The following PLA2G4A variants were observed in gnomAD, a reference collection of about 807,000 sequenced individuals.
PLA2G4A encodes the protein cytosolic phospholipase A2.
A neutral mutation model predicts 81.9 loss-of-function variants in PLA2G4A; 40 were observed. That is an observed-to-expected ratio of 0.49 (90% CI 0.38 to 0.64). The LOEUF is 0.64. Ranked by LOEUF, PLA2G4A falls within the 30% of genes least tolerant of loss-of-function variation. The pLI, the probability that PLA2G4A is intolerant of heterozygous loss-of-function variation, is 0.00. For missense variants in PLA2G4A, 715 were observed against 905.1 expected (o/e 0.79, Z 2.69); for synonymous variants, 302 against 296.9 (o/e 1.02, Z -0.18).
intron 3 of PLA2G4A, among the ~76,000 whole-genome samples, chr1:186,881,507 A>G (rs916270824): frequency 1.3e-5 from 2 of 152,170 alleles, no homozygotes; most frequent in East Asian, 1.9e-4. Context: ...TTCAGCATCT[A>G]TAGCCATAAC....
intron 2 of PLA2G4A, among the ~76,000 whole-genome samples, chr1:186,855,492 C>G (rs1018188324): frequency 6.6e-6 from 1 of 151,982 alleles, no homozygotes; most frequent in African/African-American, 2.4e-5. Flanking sequence ...ATTCCACCCA[C>G]GAAACCATCA....
At chr1:186,831,962 TA>T (rs1393825566) in intron 1 of PLA2G4A, among the ~76,000 whole-genome samples, 1 of 149,662 alleles carries the variant, frequency 6.7e-6, no homozygotes, top group Non-Finnish European at 1.5e-5. Context: ...ATGTTTTTTT[TA>T]ATAATCATGC....
rs150580794 is a variant in PLA2G4A at position 186,902,802 on chromosome 1, C to A, written c.379-4163C>A. Among the ~76,000 whole-genome samples the A allele has an allele frequency of 6.1e-3, 923 of 151,380 alleles. 15 individuals are homozygous for A. Among genetic ancestry groups the A allele is most frequent in the African/African-American group, 0.022 (895 of 41,224 alleles). ...TCCTATAAAACTGCCCCACCCCTATCTCCCCTATCTCCCCTTGCTGACTCC... is the reference window on the plus strand; with the variant it reads ...TCCTATAAAACTGCCCCACCCCTATATCCCCTATCTCCCCTTGCTGACTCC... On this transcript the variant is annotated intron_variant, in intron 5 of 17. Coordinates refer to ENST00000367466, the MANE Select transcript of PLA2G4A (RefSeq NM_024420.3).
chr1:186,894,069 A>T (rs1246863139), intron 4 of PLA2G4A, 29 bp from the exon 5 acceptor site: 1 of 878,952 alleles, frequency 1.1e-6, no homozygotes, highest in East Asian at 2.4e-5. Flanking sequence ...GGGAAATTTT[A>T]TTTTTGTGCT....
intron 7 of PLA2G4A, among the ~76,000 whole-genome samples, chr1:186,925,292 T>C (rs1340374841): frequency 6.6e-6 from 1 of 152,220 alleles, no homozygotes; most frequent in East Asian, 1.9e-4. Flanking sequence ...CTTACATATG[T>C]TTGTGTATTG....
Position 186,988,622 on chromosome 1 carries a change from A to T in PLA2G4A, c.*114A>T. The T allele has an allele frequency of 1.1e-6, 1 of 931,098 alleles. No individual in the cohort carries two copies. Among genetic ancestry groups the T allele is most frequent in the Admixed American group, 1.7e-5 (1 of 57,216 alleles). 57.7% of individuals were successfully genotyped at this position (931,098 alleles called of 1,614,324 possible). On this transcript the variant is annotated 3_prime_UTR_variant, in exon 18 of 18. Transcript: ENST00000367466. ...CGTACTGATCATGAGAGACTGGCTG[A>T]TACTCAAAGTTGCAGTTACTTAGCT...
At chr1:186,920,719 C>G (rs137910000) in intron 7 of PLA2G4A, among the ~76,000 whole-genome samples, 1 of 152,342 alleles carries the variant, frequency 6.6e-6, no homozygotes, top group East Asian at 1.9e-4. Flanking sequence ...CCCAGAACCC[C>G]CCTTTTCCTC....
At chr1:186,912,404 C>A (rs1303811207) in intron 7 of PLA2G4A, among the ~76,000 whole-genome samples, 1 of 152,046 alleles carries the variant, frequency 6.6e-6, no homozygotes, top group African/African-American at 2.4e-5. Flanking sequence ...ATGCATCCAC[C>A]ATTATAGTAT....
intron 3 of PLA2G4A, among the ~76,000 whole-genome samples, chr1:186,882,907 G>A (rs368591202): frequency 6.0e-4 from 91 of 152,154 alleles, no homozygotes; most frequent in African/African-American, 2.1e-3. Context: ...GACAACTCTC[G>A]TGTTTCTAGG....
At chr1:186,889,659 T>C (rs1269434782) in intron 3 of PLA2G4A, among the ~76,000 whole-genome samples, 1 of 151,480 alleles carries the variant, frequency 6.6e-6, no homozygotes, top group Non-Finnish European at 1.5e-5. Context: ...ACCATAGCTG[T>C]TGTTGACAGA....
chr1:186,853,644 G>A (rs1041786990), intron 1 of PLA2G4A, among the ~76,000 whole-genome samples: 1 of 151,834 alleles, frequency 6.6e-6, no homozygotes, highest in African/African-American at 2.4e-5. Context: ...GAATAGCAAA[G>A]ATGTTCATTC....
intron 3 of PLA2G4A, among the ~76,000 whole-genome samples, chr1:186,873,360 T>A (rs77503684): frequency 0.014 from 2,188 of 152,202 alleles, 31 homozygotes; most frequent in Admixed American, 0.051. Flanking sequence ...AATAGAACTA[T>A]AAGAACTATT....
chr1:186,834,559 C>G (rs1040020960), intron 1 of PLA2G4A, among the ~76,000 whole-genome samples: 1 of 151,950 alleles, frequency 6.6e-6, no homozygotes, highest in African/African-American at 2.4e-5. Context: ...TCTCCTGGTG[C>G]GTGTTTCCAT....
At position 186,870,290 on chromosome 1, in the gene PLA2G4A, C is replaced by A. The variant is rs141706022; in HGVS notation, c.34-145C>A. On this transcript the variant is annotated intron_variant, in intron 2 of 17. Coordinates refer to ENST00000367466, the MANE Select transcript of PLA2G4A (RefSeq NM_024420.3). ...ATTCTGTGATGAGAGAGAAGAGAGT[C>A]AAAAAAGAAGCAGCCTTACATCAAA... is the stretch of plus-strand genomic sequence containing the variant. 1,107 of 684,414 alleles carry A rather than the reference C, an allele frequency of 1.6e-3. 8 individuals carry two copies. In the African/African-American group the frequency reaches 0.017, roughly 10 times the overall value. The allele number at this position is 684,414 out of a possible 1,614,324, so 42.4% of individuals were successfully genotyped here.
At chr1:186,847,356 A>ATG (rs1652213071) in intron 1 of PLA2G4A, among the ~76,000 whole-genome samples, 8 of 100,298 alleles carry the variant, frequency 8.0e-5, no homozygotes, top group Admixed American at 5.7e-4. Flanking sequence ...ATTATTTCAT[A>ATG]CGTGTGTGTG....
intron 8 of PLA2G4A, among the ~76,000 whole-genome samples, chr1:186,934,137 C>T (rs1257738339): frequency 6.6e-6 from 1 of 152,018 alleles, no homozygotes; most frequent in Non-Finnish European, 1.5e-5. Flanking sequence ...ATCTTGGACC[C>T]TTACATTAGT....
intron 1 of PLA2G4A, among the ~76,000 whole-genome samples, chr1:186,835,749 C>T (rs949181622): frequency 2.6e-5 from 4 of 152,162 alleles, no homozygotes; most frequent in Non-Finnish European, 4.4e-5. Context: ...CTTTAAAATA[C>T]TGTTATATCC....
intron 1 of PLA2G4A, among the ~76,000 whole-genome samples, chr1:186,834,336 C>A (rs1651701969): frequency 6.6e-6 from 1 of 151,780 alleles, no homozygotes; most frequent in African/African-American, 2.4e-5. Flanking sequence ...GTATGACTAT[C>A]CACATTTTAC....
chr1:186,841,833 G>A (rs1651990700), intron 1 of PLA2G4A, among the ~76,000 whole-genome samples: 1 of 152,178 alleles, frequency 6.6e-6, no homozygotes, highest in Non-Finnish European at 1.5e-5. Context: ...CCTTAAGATG[G>A]ACAGGTTTAT....
Sources: allele counts gnomAD v4.1 joint callset (sites outside exome capture counted in the v4.1 genomes callset), GRCh38; gene constraint gnomAD v4.1.1; transcripts MANE v1.5; gene names NCBI Gene and HGNC (gene_info 2026-07-23, HGNC 2026-07-21).